The following ZMAT4 variants were observed in gnomAD, a reference collection of about 807,000 sequenced individuals.
The protein encoded by ZMAT4 is zinc finger matrin-type 4.
ZMAT4 carries 17 observed loss-of-function variants against 28.7 expected under a neutral mutation model. The ratio of observed to expected loss-of-function variants is 0.59; its 90% CI spans 0.41 to 0.89. The LOEUF (loss-of-function observed/expected upper bound fraction) is 0.89. ZMAT4 is among the 40% of genes least tolerant of loss of function. ZMAT4 has a pLI of 0.00. For missense variants in ZMAT4, 240 were observed against 283.8 expected (o/e 0.85, Z 1.11); for synonymous variants, 117 against 109.2 (o/e 1.07, Z -0.44).
At chr8:40,709,761 G>A (rs755567078) in intron 3 of ZMAT4, among the ~76,000 whole-genome samples, 12 of 152,116 alleles carry the variant, frequency 7.9e-5, no homozygotes, top group African/African-American at 1.9e-4. Flanking sequence ...TAGTTGAGCC[G>A]GGCGTGGTGG....
chr8:40,764,246 A>G (rs148447368), intron 3 of ZMAT4, among the ~76,000 whole-genome samples: 160 of 148,840 alleles, frequency 1.1e-3, no homozygotes, highest in Admixed American at 2.1e-3. Flanking sequence ...GCCCCAAGGG[A>G]AAAATGTCTT....
intron 1 of ZMAT4, among the ~76,000 whole-genome samples, chr8:40,894,399 T>G (rs1035734777): frequency 2.0e-5 from 3 of 151,786 alleles, no homozygotes; most frequent in Non-Finnish European, 4.4e-5. Flanking sequence ...ACATCTACAA[T>G]TAGATCTCCA....
chr8:40,708,294 A>C (rs201548105), intron 3 of ZMAT4, among the ~76,000 whole-genome samples: 1 of 152,164 alleles, frequency 6.6e-6, no homozygotes, highest in African/African-American at 2.4e-5. Context: ...TCCCATCCCC[A>C]CAGCAGATTA....
intron 3 of ZMAT4, among the ~76,000 whole-genome samples, chr8:40,712,515 G>T (rs2150509092): frequency 6.6e-6 from 1 of 152,308 alleles, no homozygotes; most frequent in South Asian, 2.1e-4. Flanking sequence ...AACACACATT[G>T]TTTCGCCATC....
chr8:40,710,948 A>AT (rs1355095554), intron 3 of ZMAT4, among the ~76,000 whole-genome samples: 1 of 150,668 alleles, frequency 6.6e-6, no homozygotes, highest in African/African-American at 2.4e-5. Context: ...ACCCAGATAA[A>AT]TTTTTTTTTG....
At chr8:40,769,672 T>C (rs1813309899) in intron 2 of ZMAT4, among the ~76,000 whole-genome samples, 2 of 152,172 alleles carry the variant, frequency 1.3e-5, no homozygotes, top group South Asian at 2.1e-4. Context: ...TTTGTTACCA[T>C]AGAGGAACTT....
At chr8:40,762,523 G>A (rs557099746) in intron 3 of ZMAT4, among the ~76,000 whole-genome samples, 8 of 152,152 alleles carry the variant, frequency 5.3e-5, no homozygotes, top group African/African-American at 1.9e-4. Context: ...AGGTATGGTG[G>A]TGCATGCCTG....
chr8:40,825,541 C>T (rs935464821), intron 2 of ZMAT4, 34 bp downstream of exon 2: 1 of 1,537,480 alleles, frequency 6.5e-7, no homozygotes, highest in Non-Finnish European at 8.8e-7. Context: ...CTCCCTCCTA[C>T]ATTTGCAAAC....
intron 5 of ZMAT4, among the ~76,000 whole-genome samples, chr8:40,641,282 A>G (rs910468442): frequency 3.9e-5 from 6 of 152,242 alleles, no homozygotes; most frequent in Non-Finnish European, 7.3e-5. Flanking sequence ...CTTTTAAAAG[A>G]AAAGAGAAGA....
chr8:40,754,765 A>T (rs1812604630), intron 3 of ZMAT4, among the ~76,000 whole-genome samples: 1 of 152,180 alleles, frequency 6.6e-6, no homozygotes, highest in Non-Finnish European at 1.5e-5. Context: ...TAATCCTAGC[A>T]CTTTGAGAGG....
chr8:40,781,787 A>AAAAAG (rs1563480289), intron 2 of ZMAT4, among the ~76,000 whole-genome samples: 66 of 143,852 alleles, frequency 4.6e-4, no homozygotes, highest in Non-Finnish European at 8.0e-4. Flanking sequence ...AAAAAAAAAA[A>AAAAAG]AAAAGAAAAG....
At chr8:40,727,832 A>G (rs1445364005) in intron 3 of ZMAT4, among the ~76,000 whole-genome samples, 3 of 152,220 alleles carry the variant, frequency 2.0e-5, no homozygotes, top group Non-Finnish European at 4.4e-5. Flanking sequence ...AATCCCTTCA[A>G]GGTCTGAGAT....
intron 5 of ZMAT4, among the ~76,000 whole-genome samples, chr8:40,610,031 C>CT (rs1374381587): frequency 1.3e-5 from 2 of 152,126 alleles, no homozygotes; most frequent in Admixed American, 6.6e-5. Flanking sequence ...AATAAATGTC[C>CT]TGCAATTGTA....
At chr8:40,548,163 G>A (rs1803259618) in intron 6 of ZMAT4, among the ~76,000 whole-genome samples, 1 of 152,156 alleles carries the variant, frequency 6.6e-6, no homozygotes, top group Non-Finnish European at 1.5e-5. Context: ...TTTAGGTGTA[G>A]GAAGGACCCT....
At chr8:40,719,213 G>T (rs769383446) in intron 3 of ZMAT4, among the ~76,000 whole-genome samples, 1 of 152,066 alleles carries the variant, frequency 6.6e-6, no homozygotes, top group Non-Finnish European at 1.5e-5. Context: ...AGGCTGAGAC[G>T]GCGAATTATG....
At chr8:40,646,666 A>G (rs1161887340) in intron 5 of ZMAT4, among the ~76,000 whole-genome samples, 1 of 152,226 alleles carries the variant, frequency 6.6e-6, no homozygotes, top group Non-Finnish European at 1.5e-5. Context: ...AGCTATAAAC[A>G]TATATGTACC....
Position 40,783,753 on chromosome 8 carries a change from G to C in ZMAT4, c.103-16023C>G, listed in dbSNP as rs548943031. 5.3e-5 allele frequency among the ~76,000 whole-genome samples: 8 copies of C among 152,286 alleles called. No homozygotes were observed. The South Asian group carries it at 1.4e-3, about 28-fold the overall frequency. ...AGGCCAGGCACAGTGGCTCACGCTT[G>C]TAATCCCAGCACTTTGGAAGGCCGA... On this transcript the variant is annotated intron_variant, in intron 2 of 6. Coordinates refer to ENST00000297737, the MANE Select transcript of ZMAT4 (RefSeq NM_024645.3).
chr8:40,842,162 C>A (rs770177050), intron 1 of ZMAT4, among the ~76,000 whole-genome samples: 4 of 152,198 alleles, frequency 2.6e-5, no homozygotes, highest in Non-Finnish European at 4.4e-5. Flanking sequence ...CTCCTGGGGG[C>A]AGCAATGGTG....
chr8:40,551,886 T>C (rs1317648148), intron 6 of ZMAT4, among the ~76,000 whole-genome samples: 1 of 152,172 alleles, frequency 6.6e-6, no homozygotes, highest in East Asian at 1.9e-4. Context: ...GTGAGACACA[T>C]AAGCTCCCAG....
Sources: allele counts gnomAD v4.1 joint callset (sites outside exome capture counted in the v4.1 genomes callset), GRCh38; gene constraint gnomAD v4.1.1; transcripts MANE v1.5; gene names NCBI Gene and HGNC (gene_info 2026-07-23, HGNC 2026-07-21).